Variants in CMTR1 observed in about 807,000 individuals in gnomAD.
The protein encoded by CMTR1 is cap methyltransferase 1, also known as cap-specific mRNA (nucleoside-2'-O-)-methyltransferase 1.
In CMTR1, 39 loss-of-function variants were observed where a neutral mutation model predicts 107.0. The observed-to-expected ratio is 0.36, with a 90% CI of 0.28 to 0.48. The LOEUF (loss-of-function observed/expected upper bound fraction) is 0.48, where lower values mean the gene tolerates loss of function less well. CMTR1 is among the 20% of genes least tolerant of loss of function. CMTR1 has a pLI of 0.99. For synonymous variants in CMTR1, 366 were observed against 379.5 expected (o/e 0.96, Z 0.41); for missense variants, 672 against 1,064.9 (o/e 0.63, Z 5.14).
the CMTR1 span, among the ~76,000 whole-genome samples, chr6:37,427,055 T>G: frequency 2.0e-5 from 3 of 152,196 alleles, no homozygotes; most frequent in Admixed American, 2.0e-4. The surrounding 1 kb of genome is among the most constrained non-coding windows in gnomAD (Gnocchi z 4.4). Context: ...ACAAGCTGTT[T>G]GTAAGCTGCT....
At chr6:37,464,684 T>C (rs933576038) in intron 13 of CMTR1, among the ~76,000 whole-genome samples, 1 of 152,128 alleles carries the variant, frequency 6.6e-6, no homozygotes, top group Non-Finnish European at 1.5e-5. Context: ...AGTATTCCAT[T>C]CCATTGTATG....
intron 12 of CMTR1, 69 bp from the exon 13 acceptor site, chr6:37,462,760 G>T (rs1267994507): frequency 4.1e-6 from 6 of 1,461,172 alleles, no homozygotes; most frequent in Non-Finnish European, 5.7e-6. Context: ...TTCCACAAGG[G>T]GTTGGGGGAA....
chr6:37,430,439 T>A (rs1196602604), upstream of CMTR1, among the ~76,000 whole-genome samples: 1 of 152,084 alleles, frequency 6.6e-6, no homozygotes, highest in Non-Finnish European at 1.5e-5. Flanking sequence ...ATAAGTCATT[T>A]GTCAGATATA....
At chr6:37,465,229 C>T (rs1346544846) in intron 13 of CMTR1, among the ~76,000 whole-genome samples, 7 of 150,754 alleles carry the variant, frequency 4.6e-5, no homozygotes, top group East Asian at 1.9e-4. Flanking sequence ...ATCGCGCCAT[C>T]GTACTCCAGC....
At chr6:37,449,557 C>T (rs1261685071) in intron 4 of CMTR1, among the ~76,000 whole-genome samples, 3 of 152,212 alleles carry the variant, frequency 2.0e-5, no homozygotes, top group Admixed American at 6.5e-5. Context: ...GATCTGCCCA[C>T]CTCAGCCTCC....
chr6:37,469,920 G>GT (rs34467439), intron 13 of CMTR1, among the ~76,000 whole-genome samples: 24,996 of 142,592 alleles, frequency 0.18, 5,061 homozygotes, highest in African/African-American at 0.5. Context: ...TAGATGATCT[G>GT]TTTTTTTTTT....
In CMTR1 at chr6:37,475,614, C is replaced by G. The variant is rs998432484; in HGVS notation, c.2036+202C>G. 1.0e-5 allele frequency: 6 copies of G among 596,912 alleles called. No homozygotes were observed. In the African/African-American group the frequency reaches 1.1e-4, roughly 11 times the overall value. The allele number at this position is 596,912 out of a possible 1,614,324, so 37.0% of individuals were successfully genotyped here. On this transcript the variant is annotated intron_variant, in intron 19 of 23. Coordinates refer to ENST00000373451, the MANE Select transcript of CMTR1 (RefSeq NM_015050.3). ...ACTTCAGAGTTTGCTAGGGCTTGGG[C>G]CCTGGTTATCAGAGATACCAGCACA... is the stretch of plus-strand genomic sequence containing the variant.
At chr6:37,468,589 A>C (rs1761556520) in intron 13 of CMTR1, among the ~76,000 whole-genome samples, 2 of 152,184 alleles carry the variant, frequency 1.3e-5, no homozygotes, top group Non-Finnish European at 2.9e-5. Context: ...TTGTCTATTT[A>C]AAAATGTATT....
At chr6:37,442,899 C>T (rs1581729775) in intron 2 of CMTR1, among the ~76,000 whole-genome samples, 1 of 152,348 alleles carries the variant, frequency 6.6e-6, no homozygotes, top group Non-Finnish European at 1.5e-5. Flanking sequence ...TGAATCAACA[C>T]CCTTTCTGAG....
At chr6:37,473,774 G>A (rs561783288) in intron 17 of CMTR1, among the ~76,000 whole-genome samples, 173 bp downstream of exon 17, 2 of 152,194 alleles carry the variant, frequency 1.3e-5, no homozygotes, top group African/African-American at 4.8e-5. Flanking sequence ...CTCTGAGTTT[G>A]CCAAGTGTCA....
chr6:37,474,623 A>G lies in CMTR1; in HGVS notation c.1921A>G (p.Ile641Val). 1 of 1,613,964 alleles carries G rather than the reference A, an allele frequency of 6.2e-7. No individual in the cohort carries two copies. Among genetic ancestry groups the G allele is most frequent in the Non-Finnish European group, 8.5e-7 (1 of 1,179,890 alleles). Reference sequence around the variant, plus strand: ...CCGGGACACTCTGCTATCTGTGGAAATTGTGCATGAGCTGAAAGGGGAGGT... The same window carrying G: ...CCGGGACACTCTGCTATCTGTGGAAGTTGTGCATGAGCTGAAAGGGGAGGT... The part of the protein sequence containing the change: ...LPRDTLLSVE[I>V]VHELKGEGKA... The change falls in exon 18 of 24, where the codon ATT (isoleucine) becomes GTT (valine). Residue 641 changes from isoleucine to valine, a missense_variant. Ile to Val is a conservative substitution (Grantham distance 29). Coordinates refer to ENST00000373451, the MANE Select transcript of CMTR1 (RefSeq NM_015050.3).
intron 13 of CMTR1, among the ~76,000 whole-genome samples, chr6:37,464,933 GACAAACAATAAAACAA>G (rs1761475563): frequency 1.2e-4 from 15 of 121,620 alleles, no homozygotes; most frequent in African/African-American, 5.1e-4. Flanking sequence ...TGTGTGTACA[GACAAACAATAAAACAA>G]TGTATATGTA....
In CMTR1 at chr6:37,436,329, G is replaced by A. The variant is rs752952156; in HGVS notation, c.133+567G>A. ...TTTAGGGTTATTCACAGTTTCCATA[G>A]ATGCTTTCTGAGGAATGGTAAAATG... On this transcript the variant is annotated intron_variant, in intron 2 of 23. Coordinates refer to ENST00000373451, the MANE Select transcript of CMTR1 (RefSeq NM_015050.3). 2.2e-4 allele frequency: 33 copies of A among 152,182 alleles called. 1 individual carries two copies. The highest frequency in any genetic ancestry group is 6.5e-5 in the Admixed American group (1 of 15,274). The allele number at this position is 152,182 out of a possible 1,614,324, so 9.4% of individuals were successfully genotyped here.
At chr6:37,473,739 T>G in intron 17 of CMTR1, 138 bp downstream of exon 17, 1 of 1,021,906 alleles carries the variant, frequency 9.8e-7, no homozygotes, top group Non-Finnish European at 1.4e-6. Flanking sequence ...TGAAGGTATT[T>G]CTTGAAACTT....
Position 37,471,041 on chromosome 6 carries a change from A to G in CMTR1, c.1526A>G (p.Lys509Arg), listed in dbSNP as rs752907346. 2 of 1,607,340 alleles carry G rather than the reference A, an allele frequency of 1.2e-6. No homozygotes were observed. The highest frequency in any genetic ancestry group is 1.7e-6 in the Non-Finnish European group (2 of 1,177,404). ...TCTAGCCACTGTAGTCTGCAGATCA[A>G]AGCTCTGGCGAAAATCCATGCCTTT... ...SNESHCSLQIKALAKIHAFVQ... is the reference protein window; with the variant it reads ...SNESHCSLQIRALAKIHAFVQ... Residue 509 changes from lysine to arginine, a missense_variant, in exon 14 of 24, where the codon AAA becomes AGA. Lys to Arg is a conservative substitution (Grantham distance 26). Around this residue, in one of 2 missense-constraint regions of CMTR1, gnomAD observed 583 missense variants for 968.4 expected, o/e 0.60. Transcript: ENST00000373451.
rs1460534825 is a variant in CMTR1 at position 37,472,315 on chromosome 6, C to T, written c.1621-104C>T. On this transcript the variant is annotated intron_variant, in intron 15 of 23. Transcript: ENST00000373451. This position sits in a 1 kb window ranked among gnomAD's most constrained non-coding sequence, Gnocchi z 4.1. ...CTAGCCTCCTTTGTTGTGTGCCATT[C>T]CTCCTCCCCAGTCTGACCCTATCTC... 16 of 999,972 alleles carry T rather than the reference C, an allele frequency of 1.6e-5. No homozygotes were observed. The highest frequency in any genetic ancestry group is 2.4e-5 in the East Asian group (1 of 41,718). The allele number at this position is 999,972 out of a possible 1,614,324, so 61.9% of individuals were successfully genotyped here. A position where few individuals can be genotyped will look rare whatever the true frequency, so the allele number is the denominator to read the frequency against.
chr6:37,428,630 G>A (rs937623320), upstream of CMTR1, among the ~76,000 whole-genome samples: 1 of 152,036 alleles, frequency 6.6e-6, no homozygotes, highest in African/African-American at 2.4e-5. Context: ...GCTAATTTTT[G>A]TATTTTTAGT....
At chr6:37,438,130 A>G (rs998299946) in intron 2 of CMTR1, among the ~76,000 whole-genome samples, 3 of 152,058 alleles carry the variant, frequency 2.0e-5, no homozygotes, top group Non-Finnish European at 4.4e-5. Flanking sequence ...CTGTAATTCT[A>G]ATACTTTCGG....
At chr6:37,463,569 G>A (rs1433017272) in intron 13 of CMTR1, among the ~76,000 whole-genome samples, 1 of 152,100 alleles carries the variant, frequency 6.6e-6, no homozygotes, top group African/African-American at 2.4e-5. Context: ...TCAGTGGGCA[G>A]GCCTTTGAAA....
Sources: allele counts gnomAD v4.1 joint callset (sites outside exome capture counted in the v4.1 genomes callset), GRCh38; gene constraint gnomAD v4.1.1; regional missense constraint gnomAD v4.1.1; non-coding constraint Gnocchi (gnomAD v3.1); transcripts MANE v1.5; gene names NCBI Gene and HGNC (gene_info 2026-07-23, HGNC 2026-07-21).